Variants in PATJ observed in about 807,000 individuals in gnomAD.
PATJ encodes the protein PATJ crumbs cell polarity complex component, also known as inaD-like protein.
In PATJ, 190 loss-of-function variants were observed where a neutral mutation model predicts 224.9. That is an observed-to-expected ratio of 0.84 (90% CI 0.75 to 0.95). PATJ has a LOEUF of 0.95. Ranked by LOEUF, PATJ falls within the 40% of genes least tolerant of loss-of-function variation. The pLI, the probability that PATJ is intolerant of heterozygous loss-of-function variation, is 0.00. For synonymous variants in PATJ, 769 were observed against 820.3 expected (o/e 0.94, Z 1.07); for missense variants, 2,121 against 2,270.3 (o/e 0.93, Z 1.34).
intron 33 of PATJ, among the ~76,000 whole-genome samples, chr1:62,098,006 C>T (rs944835640): frequency 3.3e-5 from 5 of 152,216 alleles, no homozygotes; most frequent in African/African-American, 7.2e-5. Context: ...CAGTGGCTCA[C>T]CCCTGTAATC....
chr1:62,050,095 G>T (rs1297668970), intron 30 of PATJ, among the ~76,000 whole-genome samples: 1 of 134,256 alleles, frequency 7.4e-6, no homozygotes, highest in Non-Finnish European at 1.5e-5. Context: ...CAGCCTTGGC[G>T]ATAGAGTGAG....
chr1:61,800,783 A>C (rs1365243831), intron 11 of PATJ, among the ~76,000 whole-genome samples: 1 of 151,914 alleles, frequency 6.6e-6, no homozygotes, highest in South Asian at 2.1e-4. Context: ...CCTGTGTCCA[A>C]GTGTTCTCAT....
intron 28 of PATJ, 55 bp downstream of exon 28, chr1:61,990,419 A>G: frequency 7.9e-7 from 1 of 1,268,352 alleles, no homozygotes. Flanking sequence ...GGTGCAGTGG[A>G]TGTTGTATAG....
chr1:62,123,231 A>G (rs1665292915), intron 39 of PATJ, among the ~76,000 whole-genome samples, 173 bp downstream of exon 39: 1 of 152,168 alleles, frequency 6.6e-6, no homozygotes. Flanking sequence ...ACAGTAGAGC[A>G]CAGAGATGAC....
At chr1:62,076,934 G>A (rs897030811) in intron 31 of PATJ, among the ~76,000 whole-genome samples, 1 of 152,172 alleles carries the variant, frequency 6.6e-6, no homozygotes, top group South Asian at 2.1e-4. Flanking sequence ...ATAAGAGTCT[G>A]TGTGTGGCTG....
Position 62,162,960 on chromosome 1 carries a change from A to T in PATJ, c.*1906A>T. ...AGACTCTGTCTCGAAAAAGAAAAAA[A>T]ACCATGAAGGATGAGTACTAGAGTC... On this transcript the variant is annotated 3_prime_UTR_variant, in exon 44 of 44. Transcript: ENST00000642238. The T allele has an allele frequency of 2.4e-6, 1 of 412,374 alleles. No homozygotes were observed. Among genetic ancestry groups the T allele is most frequent in the Non-Finnish European group, 4.8e-6 (1 of 208,034 alleles). The allele number at this position is 412,374 out of a possible 1,614,324, so 25.5% of individuals were successfully genotyped here.
chr1:62,013,212 C>A, intron 28 of PATJ: 1 of 239,138 alleles, frequency 4.2e-6, no homozygotes, highest in Non-Finnish European at 6.8e-6. Context: ...AATAATAGTA[C>A]CATAGATTCT....
At chr1:61,870,525 A>T (rs564592060) in intron 20 of PATJ, among the ~76,000 whole-genome samples, 1 of 152,164 alleles carries the variant, frequency 6.6e-6, no homozygotes, top group African/African-American at 2.4e-5. Context: ...TTTGTCAGGG[A>T]CCTGCCCTTA....
chr1:62,159,895 C>T (rs1336022104), intron 43 of PATJ, among the ~76,000 whole-genome samples: 4 of 152,122 alleles, frequency 2.6e-5, no homozygotes, highest in Non-Finnish European at 5.9e-5. Flanking sequence ...ACCATTCTCA[C>T]GGTTTAGAAA....
intron 22 of PATJ, among the ~76,000 whole-genome samples, chr1:61,894,463 G>A (rs776553495): frequency 6.6e-6 from 1 of 152,020 alleles, no homozygotes; most frequent in Admixed American, 6.6e-5. Flanking sequence ...TCGTGGGGGC[G>A]GTTTCCCCAT....
chr1:62,156,614 A>G (rs561584692), intron 43 of PATJ, among the ~76,000 whole-genome samples: 1 of 151,766 alleles, frequency 6.6e-6, no homozygotes, highest in East Asian at 2.0e-4. Flanking sequence ...TACTTTGGTG[A>G]GTTTTAAAAA....
At chr1:61,767,926 C>T (rs1471925553) in intron 4 of PATJ, among the ~76,000 whole-genome samples, 2 of 151,946 alleles carry the variant, frequency 1.3e-5, no homozygotes, top group Non-Finnish European at 2.9e-5. Flanking sequence ...CCGCCTCGGC[C>T]TCTCAAAGTG....
chr1:62,098,844 A>G (rs902970392), intron 33 of PATJ, among the ~76,000 whole-genome samples: 4 of 152,196 alleles, frequency 2.6e-5, no homozygotes, highest in African/African-American at 9.7e-5. Flanking sequence ...AGGATGGAAA[A>G]GAATCGTGTT....
intron 43 of PATJ, among the ~76,000 whole-genome samples, chr1:62,155,846 C>T (rs993501350): frequency 2.7e-5 from 4 of 150,086 alleles, no homozygotes; most frequent in African/African-American, 4.9e-5. Flanking sequence ...TCACGAGGTC[C>T]GGAGATCAAG....
chr1:62,052,096 A>T (rs1176638638), intron 31 of PATJ, among the ~76,000 whole-genome samples: 1 of 152,198 alleles, frequency 6.6e-6, no homozygotes, highest in African/African-American at 2.4e-5. Flanking sequence ...TTCTAGAAGA[A>T]ATGTAGGCTT....
chr1:62,027,245 A>G (rs1422922394), intron 29 of PATJ, among the ~76,000 whole-genome samples: 8 of 152,168 alleles, frequency 5.3e-5, no homozygotes, highest in Admixed American at 4.6e-4. Context: ...TGACTGGTAT[A>G]TTTCACTTAG....
rs552589355 is a variant in PATJ at position 62,056,813 on chromosome 1, T to C, written c.4125+5755T>C. 1.2e-4 allele frequency among the ~76,000 whole-genome samples: 18 copies of C among 152,184 alleles called. No individual in the cohort carries two copies. In the South Asian group the frequency reaches 3.5e-3, roughly 30 times the overall value. ...AAAAATCACCCATTGAAGCCAGGGC[T>C]CAAATTGGAGGTTACTACACTTTGT... On this transcript the variant is annotated intron_variant, in intron 31 of 43. Coordinates refer to ENST00000642238, the MANE Select transcript of PATJ (RefSeq NM_001350145.3).
chr1:61,819,612 G>A (rs12404275), intron 14 of PATJ, among the ~76,000 whole-genome samples: 13,657 of 152,104 alleles, frequency 0.09, 744 homozygotes, highest in East Asian at 0.17. Flanking sequence ...GGCGGCAGGC[G>A]GCGGTGGGGG....
At chr1:61,913,501 C>T (rs1335105263) in intron 25 of PATJ, among the ~76,000 whole-genome samples, 1 of 152,218 alleles carries the variant, frequency 6.6e-6, no homozygotes, top group Admixed American at 6.5e-5. Context: ...AGCCACTATA[C>T]TTGGTCTATT....
Sources: allele counts gnomAD v4.1 joint callset (sites outside exome capture counted in the v4.1 genomes callset), GRCh38; gene constraint gnomAD v4.1.1; transcripts MANE v1.5; gene names NCBI Gene and HGNC (gene_info 2026-07-23, HGNC 2026-07-21).